Variants in SNX27 observed in about 807,000 individuals in gnomAD.
SNX27 encodes the protein sorting nexin-27.
A neutral mutation model predicts 71.6 loss-of-function variants in SNX27; 22 were observed. The ratio of observed to expected loss-of-function variants is 0.31; its 90% CI spans 0.22 to 0.44. The LOEUF (loss-of-function observed/expected upper bound fraction) is 0.44. Ranked by LOEUF, SNX27 falls within the 20% of genes least tolerant of loss-of-function variation. The pLI, the probability that SNX27 is intolerant of heterozygous loss-of-function variation, is 1.00. For synonymous variants in SNX27, 269 were observed against 277.2 expected (o/e 0.97, Z 0.29); for missense variants, 531 against 698.6 (o/e 0.76, Z 2.70).
chr1:151,634,646 A>G (rs1668392543), intron 1 of SNX27, among the ~76,000 whole-genome samples: 2 of 152,212 alleles, frequency 1.3e-5, no homozygotes, highest in South Asian at 4.1e-4. Context: ...TGTCTTTACA[A>G]TGCCAAAGAC....
chr1:151,645,951 T>C (rs1428789936), intron 2 of SNX27, among the ~76,000 whole-genome samples: 1 of 152,240 alleles, frequency 6.6e-6, no homozygotes, highest in Non-Finnish European at 1.5e-5. Context: ...AGGGTTGGTC[T>C]ACAGGAAGTG....
chr1:151,668,773 C>T (rs1670328147), intron 7 of SNX27, 138 bp downstream of exon 7: 3 of 614,936 alleles, frequency 4.9e-6, no homozygotes, highest in Non-Finnish European at 7.8e-6. Flanking sequence ...ATGTTCTATC[C>T]CATTTCACGA....
chr1:151,663,270 C>A (rs1050275797), intron 5 of SNX27, among the ~76,000 whole-genome samples: 2 of 151,878 alleles, frequency 1.3e-5, no homozygotes, highest in African/African-American at 2.4e-5. Context: ...CCTGCCTCAG[C>A]CTCCCGAGCA....
intron 5 of SNX27, chr1:151,662,553 GC>G (rs1164416584): frequency 1.6e-5 from 3 of 191,876 alleles, no homozygotes; most frequent in Non-Finnish European, 3.3e-5. Context: ...CGCAATCTCC[GC>G]TCACTGCAAC....
intron 8 of SNX27, among the ~76,000 whole-genome samples, chr1:151,684,401 T>A (rs1671099100): frequency 6.6e-6 from 1 of 152,236 alleles, no homozygotes; most frequent in African/African-American, 2.4e-5. Context: ...ATTTTCATCA[T>A]CACTGAAAGT....
chr1:151,679,573 G>A (rs974633769), intron 7 of SNX27: 1 of 152,180 alleles, frequency 6.6e-6, no homozygotes, highest in East Asian at 1.9e-4. Context: ...GAAAATGAAT[G>A]TCTAAGTAAA....
At chr1:151,658,167 C>A in intron 2 of SNX27, 68 bp from the exon 3 acceptor site, 1 of 1,415,122 alleles carries the variant, frequency 7.1e-7, no homozygotes, top group Non-Finnish European at 9.7e-7. Context: ...TCATCTAAGC[C>A]TGACTAGATG....
In SNX27 at chr1:151,612,161, G is replaced by T; in HGVS notation, c.-41G>T. 5 of 1,303,474 alleles carry T rather than the reference G, an allele frequency of 3.8e-6. No homozygotes were observed. Among genetic ancestry groups the T allele is most frequent in the Non-Finnish European group, 2.9e-6 (3 of 1,024,506 alleles). 80.7% of individuals were successfully genotyped at this position (1,303,474 alleles called of 1,614,324 possible). A position where few individuals can be genotyped will look rare whatever the true frequency, so the allele number is the denominator to read the frequency against. On this transcript the variant is annotated 5_prime_UTR_variant, in exon 1 of 12. Coordinates refer to ENST00000458013, the MANE Select transcript of SNX27 (RefSeq NM_001330723.2). This position sits in a 1 kb window ranked among gnomAD's most constrained non-coding sequence, Gnocchi z 5.2. ...GGGCGAGCACGCGCCGGGAGGCCTT[G>T]GAGGCGTAGGGGGCGGGGGTACGGC...
At chr1:151,656,404 C>G (rs1238339423) in intron 2 of SNX27, among the ~76,000 whole-genome samples, 1 of 152,108 alleles carries the variant, frequency 6.6e-6, no homozygotes, top group Non-Finnish European at 1.5e-5. Context: ...AAAAATGACA[C>G]TCACATGGTC....
At chr1:151,646,757 T>C (rs902623780) in intron 2 of SNX27, among the ~76,000 whole-genome samples, 2 of 151,496 alleles carry the variant, frequency 1.3e-5, no homozygotes, top group Non-Finnish European at 2.9e-5. Flanking sequence ...TTGTGAGTTT[T>C]CTAGCTTTCC....
At chr1:151,646,854 T>C (rs1669061383) in intron 2 of SNX27, among the ~76,000 whole-genome samples, 1 of 146,500 alleles carries the variant, frequency 6.8e-6, no homozygotes, top group African/African-American at 2.5e-5. Context: ...TGTGTCAAGG[T>C]TTCTCTCTGT....
At chr1:151,633,353 C>T (rs180958012) in intron 1 of SNX27, among the ~76,000 whole-genome samples, 15 of 152,222 alleles carry the variant, frequency 9.9e-5, no homozygotes, top group African/African-American at 3.6e-4. Context: ...GGCTGGAGTG[C>T]GGCGGTGAGA....
At chr1:151,664,486 C>A (rs1307168008) in intron 5 of SNX27, among the ~76,000 whole-genome samples, 2 of 151,906 alleles carry the variant, frequency 1.3e-5, no homozygotes, top group Non-Finnish European at 2.9e-5. Flanking sequence ...GGACATTTCC[C>A]TAAGGAGTCC....
Position 151,612,342 on chromosome 1 carries a change from C to T in SNX27, c.141C>T (p.Val47=), listed in dbSNP as rs762600291. Residue 47 remains valine, a synonymous_variant, in exon 1 of 12, where the codon GTC becomes GTT. Coordinates refer to ENST00000458013, the MANE Select transcript of SNX27 (RefSeq NM_001330723.2). This position sits in a 1 kb window ranked among gnomAD's most constrained non-coding sequence, Gnocchi z 5.2. ...GGGGPRVVRI[V]KSESGYGFNV... ...GCGGCCCGCGGGTCGTGCGCATCGT[C>T]AAGTCCGAGTCCGGCTACGGCTTCA... 1 of 1,544,692 alleles carries T rather than the reference C, an allele frequency of 6.5e-7. No homozygotes were observed. Among genetic ancestry groups the T allele is most frequent in the South Asian group, 1.2e-5 (1 of 83,280 alleles).
chr1:151,624,375 A>G (rs1293986470), intron 1 of SNX27, among the ~76,000 whole-genome samples: 1 of 149,836 alleles, frequency 6.7e-6, no homozygotes, highest in Non-Finnish European at 1.5e-5. Flanking sequence ...TGATCAGATA[A>G]TAAATGAGCT....
chr1:151,678,980 C>T (rs1670822244), intron 7 of SNX27: 1 of 152,252 alleles, frequency 6.6e-6, no homozygotes, highest in Non-Finnish European at 1.5e-5. Flanking sequence ...CCAGCTTGGC[C>T]TCCCAAAGTG....
intron 1 of SNX27, among the ~76,000 whole-genome samples, chr1:151,625,804 A>G (rs1361170767): frequency 5.5e-5 from 8 of 146,304 alleles, no homozygotes; most frequent in South Asian, 4.4e-4. Context: ...AAAAAAAAGC[A>G]GGGTGTGGTG....
At chr1:151,615,340 C>T (rs937742773) in intron 1 of SNX27, among the ~76,000 whole-genome samples, 1 of 152,106 alleles carries the variant, frequency 6.6e-6, no homozygotes, top group Non-Finnish European at 1.5e-5. Context: ...CCCAACTATA[C>T]AGTGTCTTTC....
chr1:151,641,821 A>G (rs138332038), intron 2 of SNX27, among the ~76,000 whole-genome samples: 7,438 of 137,624 alleles, frequency 0.054, 2,035 homozygotes, highest in Non-Finnish European at 0.084. Context: ...TATGAGATAT[A>G]TATGTCAGCT....
Sources: allele counts gnomAD v4.1 joint callset (sites outside exome capture counted in the v4.1 genomes callset), GRCh38; gene constraint gnomAD v4.1.1; non-coding constraint Gnocchi (gnomAD v3.1); transcripts MANE v1.5; gene names NCBI Gene and HGNC (gene_info 2026-07-23, HGNC 2026-07-21).